The following ING5 variants were observed in gnomAD, a reference collection of about 807,000 sequenced individuals.
The protein encoded by ING5 is inhibitor of growth family member 5.
ING5 carries 17 observed loss-of-function variants against 37.4 expected under a neutral mutation model. The ratio of observed to expected loss-of-function variants is 0.45; its 90% CI spans 0.31 to 0.68. The LOEUF is 0.68. Ranked by LOEUF, ING5 falls within the 30% of genes least tolerant of loss-of-function variation. ING5 has a pLI of 0.05. For missense variants in ING5, 233 were observed against 311.9 expected (o/e 0.75, Z 1.91); for synonymous variants, 123 against 116.6 (o/e 1.06, Z -0.36).
At chr2:241,711,247 G>T in intron 3 of ING5, 130 bp from the exon 4 acceptor site, 1 of 526,780 alleles carries the variant, frequency 1.9e-6, no homozygotes, top group East Asian at 3.1e-5. Flanking sequence ...CCTTGTTTTA[G>T]CAGAGGTTTG....
upstream of ING5, among the ~76,000 whole-genome samples, chr2:241,701,361 A>G (rs900893377): frequency 6.6e-6 from 1 of 152,210 alleles, no homozygotes; most frequent in African/African-American, 2.4e-5. Context: ...CAAGGCATCC[A>G]GATGGTGCGG....
intron 5 of ING5, chr2:241,721,297 T>G (rs1354873669): frequency 1.0e-6 from 1 of 985,334 alleles, no homozygotes; most frequent in African/African-American, 1.7e-5. Context: ...GACTGTTGCT[T>G]GAAAGCAGTG....
intron 1 of ING5, among the ~76,000 whole-genome samples, chr2:241,703,214 C>G (rs1274636039): frequency 6.6e-6 from 1 of 152,138 alleles, no homozygotes; most frequent in Non-Finnish European, 1.5e-5. Context: ...GGAGGCTGTG[C>G]CAGCCGGGAG....
At chr2:241,708,256 G>A (rs2069987268) in intron 2 of ING5, among the ~76,000 whole-genome samples, 1 of 148,672 alleles carries the variant, frequency 6.7e-6, no homozygotes, top group Non-Finnish European at 1.5e-5. Flanking sequence ...CGCCCAGGCC[G>A]GACTGCAGTG....
chr2:241,702,877 G>C (rs563862046), intron 1 of ING5, among the ~76,000 whole-genome samples: 11 of 152,264 alleles, frequency 7.2e-5, no homozygotes, highest in Non-Finnish European at 1.3e-4. Context: ...CACAGCTTTG[G>C]GGTCGCGGTG....
chr2:241,722,997 G>A lies in ING5; in HGVS notation c.541G>A (p.Val181Met), dbSNP rs750482018. Residue 181 changes from valine to methionine, a missense_variant, in exon 6 of 8, where the codon GTG (valine) becomes ATG (methionine). Val to Met is a conservative substitution (Grantham distance 21, BLOSUM62 1). Around this residue, in one of 4 missense-constraint regions of ING5, gnomAD observed 45 missense variants for 98.2 expected, o/e 0.46. Transcript: ENST00000313552. Reference protein sequence around the residue: ...VHPSDVLDMPVDPNEPTYCLC... With the variant: ...VHPSDVLDMPMDPNEPTYCLC... ...CCCCTCTGATGTGCTGGACATGCCCGTGGACCCAAACGAACCCACGTACTG... is the reference window on the plus strand; with the variant it reads ...CCCCTCTGATGTGCTGGACATGCCCATGGACCCAAACGAACCCACGTACTG... 7 of 1,614,156 alleles carry A rather than the reference G, an allele frequency of 4.3e-6. No individual in the cohort carries two copies. The highest frequency in any genetic ancestry group is 1.3e-5 in the African/African-American group (1 of 75,052).
At chr2:241,688,703 A>C (rs1559292255) in intron 1 of ING5, among the ~76,000 whole-genome samples, 1 of 151,794 alleles carries the variant, frequency 6.6e-6, no homozygotes, top group South Asian at 2.1e-4. Flanking sequence ...AGCTCACTGC[A>C]CCCTCCACCT....
chr2:241,723,352 A>T, intron 7 of ING5, 81 bp downstream of exon 7: 1 of 1,429,236 alleles, frequency 7.0e-7, no homozygotes, highest in Middle Eastern at 1.9e-4. Flanking sequence ...AAGGTGCTCC[A>T]TGGCAGAATC....
rs563948752 is a variant in ING5, at chr2:241,725,581, G to C, written c.*550G>C. 6 of 152,490 alleles carry C rather than the reference G, an allele frequency of 3.9e-5. No individual in the cohort carries two copies. Among genetic ancestry groups the C allele is most frequent in the African/African-American group, 1.4e-4 (6 of 41,570 alleles). 9.4% of individuals were successfully genotyped at this position (152,490 alleles called of 1,614,324 possible). A position where few individuals can be genotyped will look rare whatever the true frequency, so the allele number is the denominator to read the frequency against. On this transcript the variant is annotated 3_prime_UTR_variant, in exon 8 of 8. Transcript: ENST00000313552. ...GCCTCGGATGGGCCCGGGAGGGCTG[G>C]GGGCTCTTCCCTGGAGGAAGCGGCC... is the stretch of plus-strand genomic sequence containing the variant.
intron 7 of ING5, among the ~76,000 whole-genome samples, chr2:241,724,425 G>A (rs370534355): frequency 7.2e-5 from 11 of 152,206 alleles, no homozygotes; most frequent in South Asian, 2.1e-4. Context: ...GGTGGTTGAC[G>A]GTTGCCGTCA....
At chr2:241,719,831 C>T (rs768954607) in intron 5 of ING5, 26 of 1,403,670 alleles carry the variant, frequency 1.9e-5, no homozygotes, top group South Asian at 1.0e-4. Context: ...AGTAGCAATG[C>T]GGAGCCTGGG....
intron 5 of ING5, chr2:241,720,231 CTCTGGAGT>C: frequency 8.1e-7 from 1 of 1,231,670 alleles, no homozygotes; most frequent in Non-Finnish European, 1.0e-6. Flanking sequence ...TGCCCCTGGG[CTCTGGAGT>C]TCTGTGGTGC....
chr2:241,689,892 G>C (rs562996919), exon 2 of ING5: 14 of 151,714 alleles, frequency 9.2e-5, no homozygotes, highest in Non-Finnish European at 1.3e-4. Flanking sequence ...GAAGGGGATT[G>C]TAGTAAGGAA....
At chr2:241,718,313 TTTCCTCCC>T (rs1260671129) in intron 5 of ING5, among the ~76,000 whole-genome samples, 3 of 120,786 alleles carry the variant, frequency 2.5e-5, no homozygotes, top group Non-Finnish European at 5.0e-5. Context: ...TCCTTTCTTC[TTTCCTCCC>T]TTCCTCCCTC....
intron 5 of ING5, among the ~76,000 whole-genome samples, chr2:241,715,839 T>C (rs2070253253): frequency 6.6e-6 from 1 of 151,510 alleles, no homozygotes; most frequent in South Asian, 2.1e-4. Context: ...TGTAGAAGTA[T>C]GTGTCTCAAT....
chr2:241,693,990 C>G (rs2069595758), intron 2 of ING5: 1 of 151,460 alleles, frequency 6.6e-6, no homozygotes, highest in Non-Finnish European at 1.5e-5. Context: ...AGGGTCCCTT[C>G]AAAAGGGTTT....
chr2:241,729,444 T>C lies in ING5; in HGVS notation c.*4413T>C, dbSNP rs1691738058. 1 of 152,680 alleles carries C rather than the reference T, an allele frequency of 6.5e-6. No individual in the cohort carries two copies. The highest frequency in any genetic ancestry group is 2.1e-4 in the South Asian group (1 of 4,838). 9.5% of individuals were successfully genotyped at this position (152,680 alleles called of 1,614,324 possible). A position where few individuals can be genotyped will look rare whatever the true frequency, so the allele number is the denominator to read the frequency against. ...TGGATCATGTTATAGATTATGGATA[T>C]ATTGTTTAATAAATAAAGTATTTTT... On this transcript the variant is annotated 3_prime_UTR_variant, in exon 8 of 8. Coordinates refer to ENST00000313552, the MANE Select transcript of ING5 (RefSeq NM_032329.6).
intron 5 of ING5, among the ~76,000 whole-genome samples, chr2:241,718,745 A>C (rs1575137723): frequency 6.6e-6 from 1 of 151,822 alleles, no homozygotes; most frequent in Non-Finnish European, 1.5e-5. Flanking sequence ...CCTTTAATAC[A>C]TTTTTCATTT....
intron 2 of ING5, among the ~76,000 whole-genome samples, chr2:241,691,522 C>T (rs1429735575): frequency 1.6e-5 from 2 of 126,452 alleles, no homozygotes; most frequent in South Asian, 2.5e-4. Context: ...CTGCAACTTC[C>T]ACCACGCAGG....
Sources: allele counts gnomAD v4.1 joint callset (sites outside exome capture counted in the v4.1 genomes callset), GRCh38; gene constraint gnomAD v4.1.1; regional missense constraint gnomAD v4.1.1; transcripts MANE v1.5; gene names NCBI Gene and HGNC (gene_info 2026-07-23, HGNC 2026-07-21).